The following ZNF140 variants were observed in gnomAD, a reference collection of about 807,000 sequenced individuals.
ZNF140 encodes zinc finger protein 140 (clone pHZ-39).
In ZNF140, 13 loss-of-function variants were observed where a neutral mutation model predicts 12.9. The ratio of observed to expected loss-of-function variants is 1.01; its 90% confidence interval spans 0.66 to 1.60. The LOEUF (loss-of-function observed/expected upper bound fraction) is 1.60, where lower values mean the gene tolerates loss of function less well. ZNF140 is among the 40% of genes most tolerant of loss of function. ZNF140 has a pLI of 0.00. For missense variants in ZNF140, 531 were observed against 548.8 expected (o/e 0.97, Z 0.32); for synonymous variants, 214 against 186.7 (o/e 1.15, Z -1.19).
chr12:133,088,580 G>A (rs1954759027), intron 4 of ZNF140, among the ~76,000 whole-genome samples: 1 of 152,208 alleles, frequency 6.6e-6, no homozygotes, highest in Non-Finnish European at 1.5e-5. Context: ...GCAGGTTTTT[G>A]TATGGGCATA....
intron 4 of ZNF140, among the ~76,000 whole-genome samples, chr12:133,103,055 T>C (rs1593802397): frequency 6.6e-6 from 1 of 152,194 alleles, no homozygotes; most frequent in Admixed American, 6.5e-5. Flanking sequence ...TGACTGTACG[T>C]TTATGAAGTA....
At chr12:133,098,446 G>A (rs1955217437) in intron 4 of ZNF140, among the ~76,000 whole-genome samples, 1 of 151,796 alleles carries the variant, frequency 6.6e-6, no homozygotes, top group South Asian at 2.1e-4. Flanking sequence ...TGCCATGTTG[G>A]CCAGGCTGGT....
intron 4 of ZNF140, among the ~76,000 whole-genome samples, chr12:133,091,509 C>T (rs369262000): frequency 0.018 from 2,620 of 148,862 alleles, 187 homozygotes; most frequent in African/African-American, 0.059. Context: ...TCTACATAGG[C>T]ACAGTGACAG....
chr12:133,090,579 C>T (rs1308342295), intron 4 of ZNF140, among the ~76,000 whole-genome samples: 11 of 151,902 alleles, frequency 7.2e-5, no homozygotes, highest in South Asian at 6.3e-4. Context: ...TATTTCTAGT[C>T]GGGTGGGACA....
At position 133,106,149 on chromosome 12, in the gene ZNF140, A is replaced by G; in HGVS notation, c.872A>G (p.His291Arg). ...AFSSGSELIRHQITHTGEKPY... is the reference protein window; with the variant it reads ...AFSSGSELIRRQITHTGEKPY... ...AGCAGTGGCTCAGAACTCATTCGCC[A>G]CCAGATTACACATACTGGAGAGAAA... is the stretch of plus-strand genomic sequence containing the variant. Residue 291 changes from histidine (H) to arginine (R), a missense_variant, in exon 5 of 5, where the codon CAC (histidine) becomes CGC (arginine). Transcript: ENST00000355557. The G allele has an allele frequency of 3.1e-6, 5 of 1,614,180 alleles. No homozygotes were observed. The highest frequency in any genetic ancestry group is 4.2e-6 in the Non-Finnish European group (5 of 1,180,028).
At chr12:133,094,282 CT>C (rs1954992673) in intron 4 of ZNF140, among the ~76,000 whole-genome samples, 1 of 151,344 alleles carries the variant, frequency 6.6e-6, no homozygotes, top group South Asian at 2.1e-4. Flanking sequence ...TGAGGCAACA[CT>C]TTCCACTGAA....
In ZNF140 at chr12:133,106,102, T is replaced by C. The variant is rs1955582739; in HGVS notation, c.825T>C (p.Cys275=). The change falls in exon 5 of 5, where the codon TGT becomes TGC. Residue 275 remains cysteine (C), a synonymous_variant. Transcript: ENST00000355557. ...ACATAGGAAAGAAACAATATATATG[T>C]AGGAAATGTGGTAAAGCATTTAGCA... The part of the protein sequence containing the change: ...RIHIGKKQYI[C]RKCGKAFSSG... 7 of 1,614,006 alleles carry C rather than the reference T, an allele frequency of 4.3e-6. No homozygotes were observed. Among genetic ancestry groups the C allele is most frequent in the Non-Finnish European group, 5.9e-6 (7 of 1,180,012 alleles).
chr12:133,090,542 G>T (rs1330943784), intron 4 of ZNF140, among the ~76,000 whole-genome samples: 2 of 151,958 alleles, frequency 1.3e-5, no homozygotes, highest in Non-Finnish European at 2.9e-5. Context: ...TTTATGAAGG[G>T]GTGGCCTGCC....
rs1223175855 is a variant in ZNF140, at chr12:133,106,067, CAA to C, written c.792_793del (p.Arg265AsnfsTer11). 6.2e-7 allele frequency: 1 copy of C among 1,613,940 alleles called. No individual in the cohort carries two copies. Among genetic ancestry groups the C allele is most frequent in the Non-Finnish European group, 8.5e-7 (1 of 1,180,010 alleles). On this transcript the variant is annotated frameshift_variant, in exon 5 of 5. Coordinates refer to ENST00000355557, the MANE Select transcript of ZNF140 (RefSeq NM_003440.4). LOFTEE classifies it low-confidence loss of function (END_TRUNC). ...CCGTGCCTCCAACCTCACTCGACAT[CAA>C]AGAATTCACATAGGAAAGAAACAAT... ...FSRASNLTRH[Q>X]RIHIGKKQYI...
At chr12:133,087,381 C>T (rs1046405077) in intron 4 of ZNF140, among the ~76,000 whole-genome samples, 18 of 151,470 alleles carry the variant, frequency 1.2e-4, no homozygotes, top group East Asian at 9.7e-4. Flanking sequence ...CTGTGGGATA[C>T]GAATATATAA....
At chr12:133,101,350 T>C (rs1207296456) in intron 4 of ZNF140, among the ~76,000 whole-genome samples, 9 of 152,306 alleles carry the variant, frequency 5.9e-5, no homozygotes, top group South Asian at 2.1e-4. Flanking sequence ...TCCTTTTTTT[T>C]CCCTCAATAT....
intron 4 of ZNF140, among the ~76,000 whole-genome samples, chr12:133,093,839 TTC>T (rs1372329835): frequency 1.3e-5 from 2 of 150,982 alleles, no homozygotes; most frequent in Non-Finnish European, 2.9e-5. Flanking sequence ...CAGTTTCACT[TTC>T]TGTGTCTCTC....
chr12:133,104,816 C>G (rs1171756230), intron 4 of ZNF140, among the ~76,000 whole-genome samples: 3 of 152,134 alleles, frequency 2.0e-5, no homozygotes, highest in Admixed American at 2.0e-4. Context: ...GTCCAACTTT[C>G]ATTTTAGGTT....
intron 4 of ZNF140, among the ~76,000 whole-genome samples, chr12:133,104,237 A>G (rs1000189625): frequency 6.6e-6 from 1 of 152,196 alleles, no homozygotes; most frequent in South Asian, 2.1e-4. Flanking sequence ...CATTTGCCTT[A>G]TCATTTGGCA....
chr12:133,081,379 AT>A (rs1157856116), intron 2 of ZNF140, 50 bp downstream of exon 2: 445 of 225,008 alleles, frequency 2.0e-3, no homozygotes, highest in East Asian at 3.4e-3. Flanking sequence ...ATAAATTTTT[AT>A]TTTTTTTTTA....
rs1182400060 is a variant in ZNF140 at position 133,093,892 on chromosome 12, A to T, written c.232+10331A>T. ...TTCCTTTTACACGATCTCTCTCGCC[A>T]GTCTCACTTTCTGTGTCTTTCTCTG... On this transcript the variant is annotated intron_variant, in intron 4 of 4. Transcript: ENST00000355557. Among the ~76,000 whole-genome samples, 16 of 150,754 alleles carry T rather than the reference A, an allele frequency of 1.1e-4. 1 individual carries two copies. The highest frequency in any genetic ancestry group is 3.9e-4 in the African/African-American group (16 of 40,650).
At chr12:133,105,487 AC>A in intron 4 of ZNF140, 22 bp from the exon 5 acceptor site, 4 of 1,442,772 alleles carry the variant, frequency 2.8e-6, no homozygotes, top group Non-Finnish European at 3.8e-6. Context: ...AGAAACATTC[AC>A]TTTTTTTTTG....
chr12:133,088,946 T>G, intron 4 of ZNF140, among the ~76,000 whole-genome samples: 1 of 152,288 alleles, frequency 6.6e-6, no homozygotes, highest in East Asian at 1.9e-4. Flanking sequence ...CTTTATACAT[T>G]GTTGGATTAA....
chr12:133,088,211 A>G (rs1156534076), intron 4 of ZNF140, among the ~76,000 whole-genome samples: 2 of 152,104 alleles, frequency 1.3e-5, no homozygotes, highest in Admixed American at 6.6e-5. Flanking sequence ...TTTTCCTGCA[A>G]ATACCATTAT....
Sources: gnomAD v4.1 joint callset for allele counts (sites outside exome capture counted in the v4.1 genomes callset) on GRCh38, gnomAD v4.1.1 for gene constraint, MANE v1.5 for transcripts, NCBI Gene and HGNC (gene_info 2026-07-23, HGNC 2026-07-21) for gene names.